The following EDA variants were observed in gnomAD, a reference collection of about 807,000 sequenced individuals.
EDA encodes ectodysplasin A.
Under a neutral mutation model 23.6 loss-of-function variants are expected in EDA, and 2 were observed. That is an observed-to-expected ratio of 0.08 (90% confidence interval 0.03 to 0.27). The LOEUF (loss-of-function observed/expected upper bound fraction) is 0.27, where lower values mean the gene tolerates loss of function less well. EDA is among the 10% of genes least tolerant of loss of function. The pLI, the probability that EDA is intolerant of heterozygous loss-of-function variation, is 1.00. For synonymous variants in EDA, 131 were observed against 132.0 expected, an observed-to-expected ratio of 0.99 and a Z score of 0.05; for missense variants, 229 against 324.2, an observed-to-expected ratio of 0.71 and a Z score of 2.26.
chrX:69,939,334 G>A (rs977808928), intron 1 of EDA, among the ~76,000 whole-genome samples: 1 of 111,074 alleles, frequency 9.0e-6, no homozygotes, highest in African/African-American at 3.3e-5. Flanking sequence ...TTATTCCTAG[G>A]TATTGTATTT....
At chrX:69,992,768 G>A (rs764669992) in intron 2 of EDA, among the ~76,000 whole-genome samples, 14 of 111,734 alleles carry the variant, frequency 1.3e-4, no homozygotes, top group Non-Finnish European at 2.3e-4. Flanking sequence ...AAAAATGTGT[G>A]AGATGTTTCA....
chrX:69,908,387 T>C (rs761868006), intron 1 of EDA, among the ~76,000 whole-genome samples: 7 of 110,362 alleles, frequency 6.3e-5, no homozygotes, highest in African/African-American at 2.0e-4. Flanking sequence ...TTCATTTCAA[T>C]GTAGAGGGAA....
chrX:69,647,006 G>A (rs751789333), intron 1 of EDA, among the ~76,000 whole-genome samples: 9 of 111,739 alleles, frequency 8.1e-5, no homozygotes, highest in South Asian at 3.8e-4. Flanking sequence ...CTTTAAGTAC[G>A]TTGAATATTG....
chrX:69,741,685 A>G (rs2013465441), intron 1 of EDA, among the ~76,000 whole-genome samples: 1 of 112,129 alleles, frequency 8.9e-6, no homozygotes, highest in African/African-American at 3.2e-5. Flanking sequence ...TTGTATAGGT[A>G]GTTTTGAGAC....
intron 1 of EDA, among the ~76,000 whole-genome samples, chrX:69,678,204 A>G (rs1470611865): frequency 9.1e-6 from 1 of 110,326 alleles, no homozygotes; most frequent in Non-Finnish European, 1.9e-5. Flanking sequence ...TACCAGTACC[A>G]TGCTGTTTTG....
chrX:69,675,224 G>A (rs1052884001), intron 1 of EDA, among the ~76,000 whole-genome samples: 1 of 111,537 alleles, frequency 9.0e-6, no homozygotes, highest in Non-Finnish European at 1.9e-5. Context: ...GAAGCAATCT[G>A]CCCTCCTCAG....
intron 1 of EDA, among the ~76,000 whole-genome samples, chrX:69,770,575 A>AT (rs923523577): frequency 1.8e-5 from 2 of 110,782 alleles, no homozygotes; most frequent in East Asian, 2.8e-4. Flanking sequence ...TTCTAATGGG[A>AT]TTTTTTTTAA....
chrX:70,027,975 A>C lies in EDA; in HGVS notation c.645A>C (p.Gly215=). 1 of 1,191,607 alleles carries C rather than the reference A, an allele frequency of 8.4e-7. No individual in the cohort carries two copies. The highest frequency in any genetic ancestry group is 1.1e-6 in the Non-Finnish European group (1 of 885,597). ...GAATTCCAGGAACAACTGTTATGGG[A>C]CCACCTGGTCCTCCAGGTCCTCCTG... ...IPGIPGTTVM[G]PPGPPGPPGP... Residue 215 remains glycine (G), a synonymous_variant, in exon 4 of 8, where the codon GGA becomes GGC. Transcript: ENST00000374552.
chrX:69,712,770 A>C (rs1054218751), intron 1 of EDA, among the ~76,000 whole-genome samples: 17 of 111,494 alleles, frequency 1.5e-4, no homozygotes, highest in African/African-American at 5.5e-4. Context: ...ATGCATGTTT[A>C]TTGCGGCACT....
Position 70,037,842 on chromosome X carries a change from G to A in EDA, c.*2233G>A, listed in dbSNP as rs778432813. 7.1e-5 allele frequency: 8 copies of A among 111,944 alleles called. No individual in the cohort carries two copies. The highest frequency in any genetic ancestry group is 1.5e-4 in the Non-Finnish European group (8 of 53,229). The allele number at this position is 111,944 out of a possible 1,213,427, so 9.2% of individuals were successfully genotyped here. On this transcript the variant is annotated 3_prime_UTR_variant, in exon 8 of 8. Coordinates refer to ENST00000374552, the MANE Select transcript of EDA (RefSeq NM_001399.5). ...CAGCGAACAGCCTTAGAGCTCTTGTGTTCAGAAGAATCTTCCTGGCACAAT... is the reference window on the plus strand; with the variant it reads ...CAGCGAACAGCCTTAGAGCTCTTGTATTCAGAAGAATCTTCCTGGCACAAT...
At chrX:69,948,842 G>A (rs2018872541) in intron 1 of EDA, among the ~76,000 whole-genome samples, 1 of 112,054 alleles carries the variant, frequency 8.9e-6, no homozygotes, top group African/African-American at 3.2e-5. Flanking sequence ...GATAATCAAA[G>A]CATGTCGAGT....
At chrX:69,666,607 G>A (rs1933693358) in intron 1 of EDA, among the ~76,000 whole-genome samples, 1 of 112,323 alleles carries the variant, frequency 8.9e-6, no homozygotes, top group Admixed American at 9.4e-5. Flanking sequence ...GGATTGATTT[G>A]CTTATGTTAA....
rs1185867930 is a variant in EDA at position 69,902,126 on chromosome X, GAATTCAGAA to G, written c.397-54900_397-54892del. On this transcript the variant is annotated intron_variant, in intron 1 of 7. Coordinates refer to ENST00000374552, the MANE Select transcript of EDA (RefSeq NM_001399.5). ...GGTACATAGTTCTAGCATTTGAGTT[GAATTCAGAA>G]TTGTAATGTTATAAATAGAGAACTG... Among the ~76,000 whole-genome samples the G allele has an allele frequency of 2.7e-5, 3 of 111,824 alleles. No individual in the cohort carries two copies. The Admixed American group carries it at 2.9e-4, about 11-fold the overall frequency.
intron 4 of EDA, among the ~76,000 whole-genome samples, chrX:70,029,285 A>G (rs189735545): frequency 2.6e-3 from 288 of 112,501 alleles, no homozygotes; most frequent in African/African-American, 8.9e-3. Context: ...GGCAATACTC[A>G]GAAGTTTCCC....
chrX:69,832,451 A>T (rs763775230), intron 1 of EDA, among the ~76,000 whole-genome samples: 1 of 111,711 alleles, frequency 9.0e-6, no homozygotes, highest in African/African-American at 3.2e-5. Context: ...CTTGTAGTAT[A>T]GTTTGAAGTC....
chrX:69,749,928 T>A (rs867670890), intron 1 of EDA, among the ~76,000 whole-genome samples: 2 of 88,261 alleles, frequency 2.3e-5, no homozygotes, highest in Non-Finnish European at 2.3e-5. Context: ...GGTTCTTTTT[T>A]TTTTTTTTTT....
intron 1 of EDA, 99 bp downstream of exon 1, chrX:69,616,803 C>A: frequency 2.7e-6 from 3 of 1,091,452 alleles, no homozygotes; most frequent in Non-Finnish European, 3.8e-6. Context: ...AACCTCGAGC[C>A]AATTTAGAGG....
intron 1 of EDA, among the ~76,000 whole-genome samples, chrX:69,826,448 A>G (rs1464567940): frequency 9.1e-6 from 1 of 109,438 alleles, no homozygotes; most frequent in Non-Finnish European, 1.9e-5. Context: ...CTTGACCATT[A>G]TGTAATGGCC....
chrX:69,705,949 C>T (rs1268458534), intron 1 of EDA, among the ~76,000 whole-genome samples: 1 of 111,861 alleles, frequency 8.9e-6, no homozygotes, highest in Non-Finnish European at 1.9e-5. Flanking sequence ...CCAGTTAAGA[C>T]AAGATGGCCA....
Sources: gnomAD v4.1 joint callset for allele counts (sites outside exome capture counted in the v4.1 genomes callset) on GRCh38, gnomAD v4.1.1 for gene constraint, MANE v1.5 for transcripts, NCBI Gene and HGNC (gene_info 2026-07-23, HGNC 2026-07-21) for gene names.